The following SH3D19 variants were observed in gnomAD, a reference collection of about 807,000 sequenced individuals.
SH3D19 encodes the protein SH3 domain-containing protein 19.
A neutral mutation model predicts 112.1 loss-of-function variants in SH3D19; 58 were observed. That is an observed-to-expected ratio of 0.52 (90% CI 0.42 to 0.64). The LOEUF (loss-of-function observed/expected upper bound fraction) is 0.64, where lower values mean the gene tolerates loss of function less well. Ranked by LOEUF, SH3D19 falls within the 30% of genes least tolerant of loss-of-function variation. SH3D19 has a pLI of 0.00. For missense variants in SH3D19, 1,090 were observed against 1,263.4 expected (o/e 0.86, Z 2.08); for synonymous variants, 391 against 448.5 (o/e 0.87, Z 1.62).
intron 3 of SH3D19, among the ~76,000 whole-genome samples, chr4:151,185,817 G>A (rs781357342): frequency 2.0e-5 from 3 of 152,090 alleles, no homozygotes; most frequent in African/African-American, 4.8e-5. Flanking sequence ...AGACCAAGGC[G>A]GGCAAATCAC....
At chr4:151,175,732 T>C in intron 6 of SH3D19, 58 bp from the exon 7 acceptor site, 1 of 1,230,152 alleles carries the variant, frequency 8.1e-7, no homozygotes, top group African/African-American at 1.6e-5. Context: ...GTTAACAATG[T>C]ATAAGGAAAA....
chr4:151,198,969 A>G (rs1763986626), intron 2 of SH3D19, among the ~76,000 whole-genome samples: 1 of 151,242 alleles, frequency 6.6e-6, no homozygotes, highest in Non-Finnish European at 1.5e-5. Flanking sequence ...ATATTCAACA[A>G]TTTCTCCATG....
intron 1 of SH3D19, among the ~76,000 whole-genome samples, chr4:151,309,604 C>T (rs1580462372): frequency 1.3e-5 from 2 of 152,244 alleles, no homozygotes; most frequent in African/African-American, 4.8e-5. Flanking sequence ...AATGGGTACA[C>T]GAAAAGGTAC....
chr4:151,294,921 G>C (rs770658263), intron 1 of SH3D19, among the ~76,000 whole-genome samples: 2 of 152,126 alleles, frequency 1.3e-5, no homozygotes, highest in African/African-American at 2.4e-5. Context: ...ATTTGATAGA[G>C]GCCTAAACAG....
intron 1 of SH3D19, among the ~76,000 whole-genome samples, chr4:151,277,790 C>T (rs1052726026): frequency 1.3e-5 from 2 of 152,158 alleles, no homozygotes; most frequent in Admixed American, 1.3e-4. Flanking sequence ...CCTGTAATCC[C>T]AGCACTTTGG....
At chr4:151,253,500 G>A (rs1246867073) in intron 1 of SH3D19, among the ~76,000 whole-genome samples, 3 of 152,172 alleles carry the variant, frequency 2.0e-5, no homozygotes, top group African/African-American at 4.8e-5. Flanking sequence ...CAGCACTTCG[G>A]GAGGCCTAGG....
At chr4:151,234,995 C>A (rs1314228044) in intron 1 of SH3D19, among the ~76,000 whole-genome samples, 3 of 152,114 alleles carry the variant, frequency 2.0e-5, no homozygotes, top group African/African-American at 7.2e-5. Flanking sequence ...AGTGATCCTC[C>A]TACCTCAGCC....
At chr4:151,122,743 T>C (rs1284815816) in intron 19 of SH3D19, among the ~76,000 whole-genome samples, 2 of 152,176 alleles carry the variant, frequency 1.3e-5, no homozygotes, top group Non-Finnish European at 2.9e-5. Context: ...GTCATGTGCT[T>C]CCTGTATGCC....
chr4:151,323,529 G>C (rs1458741041), intron 1 of SH3D19, among the ~76,000 whole-genome samples: 13 of 152,126 alleles, frequency 8.5e-5, no homozygotes. Context: ...TCTTCTAAAA[G>C]AAATAAATCC....
At chr4:151,228,365 A>C (rs1010913567) in intron 1 of SH3D19, among the ~76,000 whole-genome samples, 1 of 152,186 alleles carries the variant, frequency 6.6e-6, no homozygotes, top group Admixed American at 6.5e-5. Context: ...TGACCATGAA[A>C]AACAAATTGA....
intron 2 of SH3D19, among the ~76,000 whole-genome samples, chr4:151,193,955 G>C (rs1763017072): frequency 6.8e-6 from 1 of 147,458 alleles, no homozygotes; most frequent in Non-Finnish European, 1.5e-5. Flanking sequence ...AACCTAAAAA[G>C]ACAAAAAGGG....
chr4:151,258,593 C>A (rs1021783577), intron 1 of SH3D19, among the ~76,000 whole-genome samples: 6 of 152,214 alleles, frequency 3.9e-5, no homozygotes, highest in African/African-American at 1.4e-4. Flanking sequence ...CTTTTTCTTA[C>A]CTCCCATCAC....
At chr4:151,260,220 T>C (rs1772266696) in intron 1 of SH3D19, among the ~76,000 whole-genome samples, 1 of 152,218 alleles carries the variant, frequency 6.6e-6, no homozygotes, top group Admixed American at 6.5e-5. Context: ...TAATTTCTCA[T>C]TATCCACCCT....
At chr4:151,284,866 C>G (rs1774590676) in intron 1 of SH3D19, among the ~76,000 whole-genome samples, 1 of 152,156 alleles carries the variant, frequency 6.6e-6, no homozygotes, top group South Asian at 2.1e-4. Flanking sequence ...CTAACCTGCA[C>G]ATGTATGTAA....
At chr4:151,152,071 A>C (rs911589244) in intron 9 of SH3D19, among the ~76,000 whole-genome samples, 1 of 152,142 alleles carries the variant, frequency 6.6e-6, no homozygotes, top group Non-Finnish European at 1.5e-5. Context: ...CAGTAAGAAA[A>C]TTTTAAATCA....
chr4:151,131,416 G>T (rs1346738835), intron 17 of SH3D19, among the ~76,000 whole-genome samples: 1 of 149,846 alleles, frequency 6.7e-6, no homozygotes, highest in Non-Finnish European at 1.5e-5. Context: ...ATATTTTCTT[G>T]ATTATTAGAA....
At chr4:151,141,278 A>AC (rs1254611914) in intron 12 of SH3D19, among the ~76,000 whole-genome samples, 1 of 152,116 alleles carries the variant, frequency 6.6e-6, no homozygotes, top group Non-Finnish European at 1.5e-5. Context: ...GACAAGCACT[A>AC]CCATGCCTGG....
intron 1 of SH3D19, among the ~76,000 whole-genome samples, chr4:151,275,259 T>C (rs1348266545): frequency 6.6e-6 from 1 of 151,982 alleles, no homozygotes; most frequent in Admixed American, 6.6e-5. Flanking sequence ...GCTAATTTTT[T>C]GTATTTTTTA....
At chr4:151,221,600 A>T (rs1441528528) in intron 2 of SH3D19, among the ~76,000 whole-genome samples, 2 of 152,200 alleles carry the variant, frequency 1.3e-5, no homozygotes, top group Non-Finnish European at 2.9e-5. Flanking sequence ...CCGATTTGTA[A>T]GGTAAAAATA....
Sources: gnomAD v4.1 joint callset for allele counts (sites outside exome capture counted in the v4.1 genomes callset) on GRCh38, gnomAD v4.1.1 for gene constraint, MANE v1.5 for transcripts, NCBI Gene and HGNC (gene_info 2026-07-23, HGNC 2026-07-21) for gene names.